Variants in VPS13D observed in about 807,000 individuals in gnomAD.
The protein encoded by VPS13D is vacuolar protein sorting 13 homolog D, also known as intermembrane lipid transfer protein VPS13D.
A neutral mutation model predicts 461.9 loss-of-function variants in VPS13D; 187 were observed. That is an observed-to-expected ratio of 0.40 (90% CI 0.36 to 0.46). The LOEUF is 0.46. Ranked by LOEUF, VPS13D falls within the 20% of genes least tolerant of loss-of-function variation. VPS13D has a pLI of 0.60. For missense variants in VPS13D, 4,711 were observed against 5,364.9 expected (o/e 0.88, Z 3.81); for synonymous variants, 1,951 against 1,986.3 (o/e 0.98, Z 0.47).
rs1302488577 is a variant in VPS13D, at chr1:12,509,371, A to C, written c.*347A>C. On this transcript the variant is annotated 3_prime_UTR_variant, in exon 70 of 70. Transcript: ENST00000620676. ...TAAATATATAGGAACGTTTCTGAAC[A>C]GGGTCTGTGCTATGTGTAAAGGTTT... The C allele has an allele frequency of 5.0e-6, 1 of 200,590 alleles. No homozygotes were observed. Among genetic ancestry groups the C allele is most frequent in the African/African-American group, 2.3e-5 (1 of 43,032 alleles). 12.4% of individuals were successfully genotyped at this position (200,590 alleles called of 1,614,324 possible). A position where few individuals can be genotyped will look rare whatever the true frequency, so the allele number is the denominator to read the frequency against.
chr1:12,270,963 C>G, intron 16 of VPS13D, 31 bp from the exon 17 acceptor site: 1 of 1,605,300 alleles, frequency 6.2e-7, no homozygotes, highest in Non-Finnish European at 8.5e-7. Context: ...TGTGAAAATT[C>G]TGACTCTGCT....
intron 35 of VPS13D, among the ~76,000 whole-genome samples, chr1:12,326,634 C>T (rs1000864062): frequency 2.7e-4 from 41 of 151,336 alleles, no homozygotes; most frequent in African/African-American, 9.7e-4. Context: ...TGTGCTCGGC[C>T]TCTGTTTGGT....
chr1:12,275,161 G>A (rs1198640514), intron 18 of VPS13D, among the ~76,000 whole-genome samples: 1 of 152,208 alleles, frequency 6.6e-6, no homozygotes, highest in Non-Finnish European at 1.5e-5. Context: ...GGAGGTTGTA[G>A]TGAGCCAAGA....
Position 12,283,690 on chromosome 1 carries a change from TG to T in VPS13D, c.5590del (p.Glu1864SerfsTer8). On this transcript the variant is annotated frameshift_variant, in exon 21 of 70. Coordinates refer to ENST00000620676, the MANE Select transcript of VPS13D (RefSeq NM_015378.4). LOFTEE classifies it high-confidence loss of function. ...HNVKLEPHAS[M>X]ESGLQDPVNT... Reference sequence around the variant, plus strand: ...GTGAAGTTGGAGCCACATGCCTCCATGGAGTCTGGACTTCAGGATCCAGTGA... The same window carrying T: ...GTGAAGTTGGAGCCACATGCCTCCATGAGTCTGGACTTCAGGATCCAGTGA... 6.2e-7 allele frequency: 1 copy of T among 1,614,204 alleles called. No individual in the cohort carries two copies. The highest frequency in any genetic ancestry group is 8.5e-7 in the Non-Finnish European group (1 of 1,180,026).
At chr1:12,362,461 A>G (rs1449805826) in intron 50 of VPS13D, among the ~76,000 whole-genome samples, 1 of 152,238 alleles carries the variant, frequency 6.6e-6, no homozygotes, top group Non-Finnish European at 1.5e-5. Context: ...AATGGTACAC[A>G]CTGTGTGAAG....
At chr1:12,450,102 A>T (rs1645242843) in intron 65 of VPS13D, among the ~76,000 whole-genome samples, 1 of 152,192 alleles carries the variant, frequency 6.6e-6, no homozygotes, top group African/African-American at 2.4e-5. Context: ...CAGCCTGGGT[A>T]ACAGACTGAG....
intron 21 of VPS13D, among the ~76,000 whole-genome samples, chr1:12,287,718 T>C (rs1290146190): frequency 6.6e-6 from 1 of 152,208 alleles, no homozygotes; most frequent in Non-Finnish European, 1.5e-5. Context: ...TTCTTCTATT[T>C]GTAGTTGTCC....
At position 12,500,271 on chromosome 1, in the gene VPS13D, A is replaced by G. The variant is rs576467496; in HGVS notation, c.12794+2640A>G. On this transcript the variant is annotated intron_variant, in intron 68 of 69. Transcript: ENST00000620676. ...AAGTCTTCACTTTCAAATTAATCATATATTCCTCTGATAAGTTGCACAATT... is the reference window on the plus strand; with the variant it reads ...AAGTCTTCACTTTCAAATTAATCATGTATTCCTCTGATAAGTTGCACAATT... 58 of 961,874 alleles carry G rather than the reference A, an allele frequency of 6.0e-5. No homozygotes were observed. The South Asian group carries it at 2.4e-3, about 39-fold the overall frequency. 59.6% of individuals were successfully genotyped at this position (961,874 alleles called of 1,614,324 possible). A position where few individuals can be genotyped will look rare whatever the true frequency, so the allele number is the denominator to read the frequency against.
intron 57 of VPS13D, among the ~76,000 whole-genome samples, chr1:12,379,822 G>A (rs1433914859): frequency 6.6e-6 from 1 of 150,914 alleles, no homozygotes; most frequent in East Asian, 1.9e-4. Flanking sequence ...AGGCTGGAGT[G>A]CAGTGGCACA....
At chr1:12,433,327 C>T (rs1645017461) in intron 65 of VPS13D, among the ~76,000 whole-genome samples, 1 of 152,130 alleles carries the variant, frequency 6.6e-6, no homozygotes. Context: ...TGAGTCCCAA[C>T]CCTTCTTCAG....
chr1:12,238,929 G>A (rs145654648), intron 2 of VPS13D, among the ~76,000 whole-genome samples: 14 of 152,036 alleles, frequency 9.2e-5, no homozygotes, highest in Non-Finnish European at 1.6e-4. Flanking sequence ...CACCATGCCC[G>A]TCTTGTTATT....
chr1:12,267,020 A>G lies in VPS13D; in HGVS notation c.1725+9A>G. On this transcript the variant is annotated intron_variant, in intron 14 of 69. Coordinates refer to ENST00000620676, the MANE Select transcript of VPS13D (RefSeq NM_015378.4). ...TAGTCTTCCCTAATCCAGTATGTAC[A>G]ACAGTTGGATAGTTAATGTATCTAA... The G allele has an allele frequency of 1.9e-6, 3 of 1,569,920 alleles. No homozygotes were observed. The highest frequency in any genetic ancestry group is 2.6e-6 in the Non-Finnish European group (3 of 1,163,070).
At chr1:12,460,759 A>C (rs540644180) in intron 67 of VPS13D, among the ~76,000 whole-genome samples, 1 of 152,250 alleles carries the variant, frequency 6.6e-6, no homozygotes, top group South Asian at 2.1e-4. Context: ...TCACCAAGCC[A>C]ACTGGATCCC....
intron 21 of VPS13D, among the ~76,000 whole-genome samples, chr1:12,285,870 C>T (rs1641950273): frequency 6.6e-6 from 1 of 151,908 alleles, no homozygotes; most frequent in Non-Finnish European, 1.5e-5. Flanking sequence ...TTTTGTAAGC[C>T]AAAGTTTTCT....
intron 6 of VPS13D, among the ~76,000 whole-genome samples, chr1:12,251,811 A>ATT (rs1239020765): frequency 5.3e-5 from 8 of 152,208 alleles, no homozygotes; most frequent in Non-Finnish European, 8.8e-5. Flanking sequence ...AGCATGGCAT[A>ATT]AACTTCCTTT....
intron 67 of VPS13D, among the ~76,000 whole-genome samples, chr1:12,481,471 A>G (rs946107603): frequency 2.6e-5 from 4 of 152,198 alleles, no homozygotes; most frequent in African/African-American, 9.6e-5. Flanking sequence ...CAGGAGTTCA[A>G]ATGGATTCAG....
At chr1:12,343,174 A>T in intron 42 of VPS13D, 123 bp downstream of exon 42, 1 of 780,584 alleles carries the variant, frequency 1.3e-6, no homozygotes. Flanking sequence ...ATCTTATCTT[A>T]TTTTATTTTA....
chr1:12,450,071 T>C (rs557036251), intron 65 of VPS13D, among the ~76,000 whole-genome samples: 5 of 152,180 alleles, frequency 3.3e-5, no homozygotes, highest in African/African-American at 9.6e-5. Flanking sequence ...TGCAGTGAGC[T>C]GTGATCGCAC....
chr1:12,358,473 T>G lies in VPS13D; in HGVS notation c.10013T>G (p.Ile3338Ser). 1 of 1,600,274 alleles carries G rather than the reference T, an allele frequency of 6.2e-7. No homozygotes were observed. Among genetic ancestry groups the G allele is most frequent in the Non-Finnish European group, 8.6e-7 (1 of 1,167,536 alleles). The change falls in exon 50 of 70, where the codon ATC (isoleucine) becomes AGC (serine). Residue 3338 changes from isoleucine to serine, a missense_variant. Around this residue, in one of 3 missense-constraint regions of VPS13D, gnomAD observed 4,411 missense variants for 4,937.8 expected, o/e 0.89. Coordinates refer to ENST00000620676, the MANE Select transcript of VPS13D (RefSeq NM_015378.4). ...CTGCCCCACAGCTGCACGATGAGAA[T>G]CGGAAGGGGGATTCATCCAGAAGGC... Reference protein sequence around the residue: ...KEQPNLCTMRIGRGIHPEGMP... With the variant: ...KEQPNLCTMRSGRGIHPEGMP...
Sources: gnomAD v4.1 joint callset for allele counts (sites outside exome capture counted in the v4.1 genomes callset) on GRCh38, gnomAD v4.1.1 for gene constraint, gnomAD v4.1.1 regional missense constraint, MANE v1.5 for transcripts, NCBI Gene and HGNC (gene_info 2026-07-23, HGNC 2026-07-21) for gene names.